The following XPO1 variants were observed in gnomAD, a reference collection of about 807,000 sequenced individuals.
The protein encoded by XPO1 is exportin-1.
In XPO1, 5 loss-of-function variants were observed where a neutral mutation model predicts 133.3. The observed-to-expected ratio is 0.04, with a 90% confidence interval of 0.02 to 0.08. XPO1 has a LOEUF of 0.08. Among genes scored for constraint, XPO1 ranks in the 10% least tolerant of loss-of-function variants. The probability of loss-of-function intolerance (pLI) is 1.00; values close to 1 mark genes in which losing one functional copy is unlikely to be tolerated. For missense variants in XPO1, 506 were observed against 1,267.5 expected, an observed-to-expected ratio of 0.40 and a Z score of 9.12; for synonymous variants, 419 against 408.2, an observed-to-expected ratio of 1.03 and a Z score of -0.32.
intron 4 of XPO1, among the ~76,000 whole-genome samples, chr2:61,515,927 A>AAAG (rs1344518371): frequency 1.5e-5 from 2 of 134,552 alleles, no homozygotes; most frequent in Admixed American, 1.6e-4. Context: ...ACTAAAAAAA[A>AAAG]AAAAAAAAAC....
At chr2:61,508,181 G>A (rs888398097) in intron 4 of XPO1, among the ~76,000 whole-genome samples, 2 of 152,250 alleles carry the variant, frequency 1.3e-5, no homozygotes, top group South Asian at 4.1e-4. Flanking sequence ...GGCCAACATA[G>A]TGAAACTCTA....
At chr2:61,509,454 C>G (rs902210817) in intron 4 of XPO1, among the ~76,000 whole-genome samples, 3 of 152,018 alleles carry the variant, frequency 2.0e-5, no homozygotes, top group Non-Finnish European at 4.4e-5. Flanking sequence ...TGAAGAAACC[C>G]TGTCTCTACT....
chr2:61,509,376 G>A (rs572082542), intron 4 of XPO1, among the ~76,000 whole-genome samples: 5 of 152,050 alleles, frequency 3.3e-5, no homozygotes, highest in Non-Finnish European at 5.9e-5. Context: ...GATAGCTCAC[G>A]CCTGTAATCC....
rs548946553 is a variant in XPO1, at chr2:61,478,832, T to C, written c.3204A>G (p.Glu1068=). Residue 1068 remains glutamate, a synonymous_variant, in exon 25 of 25, where the codon GAA becomes GAG. Coordinates refer to ENST00000401558, the MANE Select transcript of XPO1 (RefSeq NM_003400.4). ...ATGAATTTGGATTTTAATCACACAT[T>C]TCTTCTGGAATCTCATGTGGATTAA... is the stretch of plus-strand genomic sequence containing the variant. ...GIFNPHEIPE[E]MCD The C allele has an allele frequency of 6.8e-6, 11 of 1,613,392 alleles. No individual in the cohort carries two copies. The Admixed American group carries it at 1.5e-4, about 22-fold the overall frequency.
chr2:61,495,298 A>C (rs528911386), intron 11 of XPO1, among the ~76,000 whole-genome samples, 157 bp downstream of exon 11: 1 of 152,168 alleles, frequency 6.6e-6, no homozygotes, highest in African/African-American at 2.4e-5. Context: ...AACTGGGCTT[A>C]TAACTGTAAT....
intron 10 of XPO1, 115 bp from the exon 11 acceptor site, chr2:61,495,728 G>T: frequency 9.2e-7 from 1 of 1,085,920 alleles, no homozygotes; most frequent in Non-Finnish European, 1.2e-6. Context: ...CTGGAGTGCA[G>T]TGGTATGACC....
In XPO1 at chr2:61,525,936, A is replaced by C. The variant is rs1365305686; in HGVS notation, c.228+484T>G. 5.7e-6 allele frequency: 6 copies of C among 1,052,782 alleles called. No individual in the cohort carries two copies. The Admixed American group carries it at 2.7e-4, about 48-fold the overall frequency. 65.2% of individuals were successfully genotyped at this position (1,052,782 alleles called of 1,614,324 possible). ...CACATTTTGATCAACCCTTCTGTTC[A>C]AACTTAAAAAAGGACCAGAATTATA... On this transcript the variant is annotated intron_variant, in intron 3 of 24. Coordinates refer to ENST00000401558, the MANE Select transcript of XPO1 (RefSeq NM_003400.4).
chr2:61,485,734 A>G, intron 20 of XPO1, 34 bp downstream of exon 20: 1 of 1,550,006 alleles, frequency 6.5e-7, no homozygotes, highest in Middle Eastern at 1.8e-4. Flanking sequence ...TATCCTGCAG[A>G]ATTTCCCCCT....
At chr2:61,482,798 G>T in intron 22 of XPO1, 159 bp downstream of exon 22, 1 of 865,180 alleles carries the variant, frequency 1.2e-6, no homozygotes, top group Non-Finnish European at 1.7e-6. Flanking sequence ...ATTTTTTTAT[G>T]GTATTTTTAG....
intron 2 of XPO1, among the ~76,000 whole-genome samples, chr2:61,533,307 C>T (rs961196805): frequency 6.6e-6 from 1 of 152,136 alleles, no homozygotes; most frequent in Non-Finnish European, 1.5e-5. Context: ...TTAAACTGAT[C>T]AAAATTTGGT....
intron 3 of XPO1, chr2:61,526,091 C>G (rs1300095225): frequency 8.9e-7 from 1 of 1,127,816 alleles, no homozygotes; most frequent in Non-Finnish European, 1.1e-6. Context: ...ATTACTTGCC[C>G]AAAATAATTC....
At chr2:61,527,342 G>A (rs944149066) in intron 2 of XPO1, among the ~76,000 whole-genome samples, 12 of 112,058 alleles carry the variant, frequency 1.1e-4, no homozygotes, top group South Asian at 6.3e-4. Flanking sequence ...AAAAAAGAAA[G>A]CTGCACATGG....
At chr2:61,504,300 A>G (rs575647666) in intron 4 of XPO1, among the ~76,000 whole-genome samples, 1 of 152,336 alleles carries the variant, frequency 6.6e-6, no homozygotes, top group Admixed American at 6.5e-5. Flanking sequence ...AGCATCTACT[A>G]TAGGTTCCAT....
chr2:61,496,524 T>C (rs1265236333), intron 10 of XPO1, among the ~76,000 whole-genome samples: 4 of 152,188 alleles, frequency 2.6e-5, no homozygotes, highest in Non-Finnish European at 5.9e-5. Context: ...CACAGTATTA[T>C]GAATAACCTT....
chr2:61,483,849 G>A (rs909854494), intron 21 of XPO1, 88 bp downstream of exon 21: 1 of 1,456,576 alleles, frequency 6.9e-7, no homozygotes, highest in Non-Finnish European at 9.4e-7. Context: ...TCAAAACTCT[G>A]AACAAGTAAT....
At chr2:61,488,490 GA>G (rs1193292937) in intron 18 of XPO1, 97 bp downstream of exon 18, 2 of 1,352,924 alleles carry the variant, frequency 1.5e-6, no homozygotes, top group Non-Finnish European at 2.0e-6. Flanking sequence ...TGGGAGGTCT[GA>G]TTTAAATCTG....
chr2:61,521,755 T>A (rs1380629521), intron 4 of XPO1, among the ~76,000 whole-genome samples: 1 of 152,062 alleles, frequency 6.6e-6, no homozygotes, highest in Non-Finnish European at 1.5e-5. Context: ...TTTTTTTTGT[T>A]GTTGTTGTTC....
At chr2:61,522,845 T>C (rs1280405466) in intron 3 of XPO1, among the ~76,000 whole-genome samples, 162 bp from the exon 4 acceptor site, 1 of 152,202 alleles carries the variant, frequency 6.6e-6, no homozygotes, top group Non-Finnish European at 1.5e-5. Flanking sequence ...TATTCACCCA[T>C]ATACTGAGTT....
chr2:61,538,052 C>CG lies in XPO1; in HGVS notation c.-498_-497insC, dbSNP rs1224685461. 2.5e-5 allele frequency: 3 copies of CG among 120,058 alleles called. No homozygotes were observed. The highest frequency in any genetic ancestry group is 5.4e-5 in the Non-Finnish European group (3 of 55,078). The allele number at this position is 120,058 out of a possible 1,614,324, so 7.4% of individuals were successfully genotyped here. ...CGGCTCCGGCGCTGGCCCCCCCCCC[C>CG]CCAAGGCTCGCCTAAACTTTCCCCC... On this transcript the variant is annotated 5_prime_UTR_variant, in exon 1 of 25. Transcript: ENST00000401558.
Sources: gnomAD v4.1 joint callset for allele counts (sites outside exome capture counted in the v4.1 genomes callset) on GRCh38, gnomAD v4.1.1 for gene constraint, MANE v1.5 for transcripts, NCBI Gene and HGNC (gene_info 2026-07-23, HGNC 2026-07-21) for gene names.